SLC17A9: variants seen among roughly 807,000 people sequenced by gnomAD.
The protein encoded by SLC17A9 is solute carrier family 17 member 9, also known as voltage-gated purine nucleotide uniporter SLC17A9.
A neutral mutation model predicts 55.0 loss-of-function variants in SLC17A9; 49 were observed. The observed-to-expected ratio is 0.89, with a 90% CI of 0.71 to 1.13. SLC17A9 has a LOEUF of 1.13. Ranked by LOEUF, SLC17A9 falls within the 50% of genes most tolerant of loss-of-function variation. The pLI is 0.00. For missense variants in SLC17A9, 526 were observed against 569.3 expected (o/e 0.92, Z 0.77); for synonymous variants, 256 against 247.4 (o/e 1.03, Z -0.32).
rs139060051 is a variant in SLC17A9, at chr20:62,952,789, G to A, written c.-42G>A. 0.01 allele frequency: 15,680 copies of A among 1,529,220 alleles called. 95 individuals are homozygous for A. Among genetic ancestry groups the A allele is most frequent in the Non-Finnish European group, 0.012 (13,349 of 1,142,322 alleles). The allele number at this position is 1,529,220 out of a possible 1,614,324, so 94.7% of individuals were successfully genotyped here. A position where few individuals can be genotyped will look rare whatever the true frequency, so the allele number is the denominator to read the frequency against. ...TCAGCCTGGGCTGGGAGGCAGCCCC[G>A]GGACACAGCTGTGCCCACGCCGTCT... On this transcript the variant is annotated 5_prime_UTR_variant, in exon 1 of 13. Coordinates refer to ENST00000370351, the MANE Select transcript of SLC17A9 (RefSeq NM_022082.4).
At position 62,967,994 on chromosome 20, in the gene SLC17A9, G is replaced by A. The variant is rs949289002; in HGVS notation, c.*494G>A. 1 of 157,570 alleles carries A rather than the reference G, an allele frequency of 6.3e-6. No individual in the cohort carries two copies. The highest frequency in any genetic ancestry group is 1.4e-5 in the Non-Finnish European group (1 of 71,340). 9.8% of individuals were successfully genotyped at this position (157,570 alleles called of 1,614,324 possible). ...TGTCCTCCTTGGTGGGAGCTGTCCT[G>A]CACACTGTAGGATGCTTAAAGGTAT... On this transcript the variant is annotated 3_prime_UTR_variant, in exon 13 of 13. Coordinates refer to ENST00000370351, the MANE Select transcript of SLC17A9 (RefSeq NM_022082.4).
chr20:62,954,462 G>C lies in SLC17A9; in HGVS notation c.59+1573G>C, dbSNP rs149382626. Among the ~76,000 whole-genome samples, 34 of 152,372 alleles carry C rather than the reference G, an allele frequency of 2.2e-4. 1 individual carries two copies. The highest frequency in any genetic ancestry group is 7.7e-4 in the African/African-American group (32 of 41,584). The stretch of plus-strand genomic sequence containing the variant: ...TGGATGCTGCTTCTGCACAGGGGCC[G>C]TTTGCTCTAGAAAGTTCACAGGAAG... On this transcript the variant is annotated intron_variant, in intron 1 of 12. Coordinates refer to ENST00000370351, the MANE Select transcript of SLC17A9 (RefSeq NM_022082.4).
chr20:62,968,429 A>G lies in SLC17A9; in HGVS notation c.*929A>G, dbSNP rs956581090. On this transcript the variant is annotated 3_prime_UTR_variant, in exon 13 of 13. Coordinates refer to ENST00000370351, the MANE Select transcript of SLC17A9 (RefSeq NM_022082.4). ...CACGCACCCCAGAACACACAGACCC[A>G]CCTTTCTGGCGTTCTTTCTACCTCC... 3 of 152,086 alleles carry G rather than the reference A, an allele frequency of 2.0e-5. No homozygotes were observed. The highest frequency in any genetic ancestry group is 4.4e-5 in the Non-Finnish European group (3 of 68,028). The allele number at this position is 152,086 out of a possible 1,614,324, so 9.4% of individuals were successfully genotyped here.
At chr20:62,961,337 C>A (rs890978557) in intron 4 of SLC17A9, among the ~76,000 whole-genome samples, 2 of 143,720 alleles carry the variant, frequency 1.4e-5, no homozygotes, top group African/African-American at 5.2e-5. Flanking sequence ...GGCTGGAGGG[C>A]GGCTTGTCCT....
intron 1 of SLC17A9, chr20:62,953,165 G>A (rs940631839): frequency 6.5e-7 from 1 of 1,541,116 alleles, no homozygotes; most frequent in Non-Finnish European, 8.8e-7. Flanking sequence ...TGTTCCCCAG[G>A]CCAGGGGCAT....
chr20:62,953,313 G>T lies in SLC17A9; in HGVS notation c.59+424G>T, dbSNP rs1179548038. 4 of 1,537,518 alleles carry T rather than the reference G, an allele frequency of 2.6e-6. No individual in the cohort carries two copies. The South Asian group carries it at 3.6e-5, about 14-fold the overall frequency. On this transcript the variant is annotated intron_variant, in intron 1 of 12. Coordinates refer to ENST00000370351, the MANE Select transcript of SLC17A9 (RefSeq NM_022082.4). ...TGGAGCCTGCAGCTGGACGGGGTTG[G>T]GGGGGGTCCTGCCACCACGTGCCAG...
chr20:62,965,060 G>T (rs1052363096), intron 8 of SLC17A9, 72 bp from the exon 9 acceptor site: 2 of 1,581,586 alleles, frequency 1.3e-6, no homozygotes, highest in East Asian at 4.5e-5. Context: ...GCAGCCATTC[G>T]GGATGGGACC....
At chr20:62,966,909 A>C in intron 12 of SLC17A9, 177 bp downstream of exon 12, 1 of 741,800 alleles carries the variant, frequency 1.3e-6, no homozygotes, top group Non-Finnish European at 2.1e-6. Flanking sequence ...GTTCCACTGG[A>C]CTTTGCTGAC....
chr20:62,966,519 C>T lies in SLC17A9; in HGVS notation c.1062-6C>T, dbSNP rs531035096. 3.7e-6 allele frequency: 6 copies of T among 1,613,970 alleles called. No homozygotes were observed. In the South Asian group the frequency reaches 4.4e-5, roughly 12 times the overall value. On this transcript the variant is annotated splice_region_variant and splice_polypyrimidine_tract_variant and intron_variant, in intron 10 of 12. Transcript: ENST00000370351. Reference sequence around the variant, plus strand: ...GGCCACTCACCACCCTCTTTCCTCCCCACAGTGGCATTTCTGTTAACATCC... The same window carrying T: ...GGCCACTCACCACCCTCTTTCCTCCTCACAGTGGCATTTCTGTTAACATCC...
chr20:62,959,385 T>G (rs1217520323), intron 3 of SLC17A9, among the ~76,000 whole-genome samples: 2 of 152,196 alleles, frequency 1.3e-5, no homozygotes, highest in Admixed American at 6.5e-5. Context: ...TCTAGAAACC[T>G]TCAAAGTCTG....
intron 4 of SLC17A9, 44 bp downstream of exon 4, chr20:62,960,647 G>A (rs375386260): frequency 1.9e-6 from 3 of 1,566,264 alleles, no homozygotes; most frequent in Admixed American, 1.8e-5. Flanking sequence ...GCCACCAGGT[G>A]AGCCCCTTGC....
rs780951079 is a variant in SLC17A9, at chr20:62,958,338, G to A, written c.397+758G>A. On this transcript the variant is annotated intron_variant, in intron 3 of 12. Transcript: ENST00000370351. This position sits in a 1 kb window ranked among gnomAD's most constrained non-coding sequence, Gnocchi z 4.1. ...GACCTGCTGTGGGACTCTGGGTTTT[G>A]TGCATTTTGGTCACACGTATGCTGA... Among the ~76,000 whole-genome samples, 1 of 152,028 alleles carries A rather than the reference G, an allele frequency of 6.6e-6. No individual in the cohort carries two copies. The highest frequency in any genetic ancestry group is 1.5e-5 in the Non-Finnish European group (1 of 67,990).
At chr20:62,953,780 C>A (rs977585034) in intron 1 of SLC17A9, among the ~76,000 whole-genome samples, 1 of 152,226 alleles carries the variant, frequency 6.6e-6, no homozygotes, top group African/African-American at 2.4e-5. Context: ...TGTAGGAAGG[C>A]CCAAAGGGGC....
In SLC17A9 at chr20:62,962,920, G is replaced by A. The variant is rs1013418393; in HGVS notation, c.628+166G>A. On this transcript the variant is annotated intron_variant, in intron 5 of 12. Transcript: ENST00000370351. This position sits in a 1 kb window ranked among gnomAD's most constrained non-coding sequence, Gnocchi z 5.5. ...AGCGCTCGGGTGCTGAGCTGTCAGC[G>A]GCTCCGCCACCCAATTCGATCTGGA... 8.6e-5 allele frequency: 85 copies of A among 988,310 alleles called. 2 individuals are homozygous for A. Among genetic ancestry groups the A allele is most frequent in the South Asian group, 5.3e-4 (33 of 62,166 alleles). The allele number at this position is 988,310 out of a possible 1,614,324, so 61.2% of individuals were successfully genotyped here. A position where few individuals can be genotyped will look rare whatever the true frequency, so the allele number is the denominator to read the frequency against.
chr20:62,965,072 C>T, intron 8 of SLC17A9, 60 bp from the exon 9 acceptor site: 5 of 1,605,472 alleles, frequency 3.1e-6, no homozygotes, highest in Non-Finnish European at 3.4e-6. Flanking sequence ...GATGGGACCC[C>T]CTCTGGGGTG....
intron 8 of SLC17A9, 117 bp from the exon 9 acceptor site, chr20:62,965,015 G>A (rs2065622584): frequency 5.8e-6 from 7 of 1,214,246 alleles, no homozygotes; most frequent in Non-Finnish European, 8.5e-6. Context: ...TAGCTGTCTT[G>A]AGCCCCAAGC....
At position 62,968,616 on chromosome 20, in the gene SLC17A9, C is replaced by T. The variant is rs183476653; in HGVS notation, c.*1116C>T. 6.6e-6 allele frequency: 1 copy of T among 152,266 alleles called. No individual in the cohort carries two copies. The highest frequency in any genetic ancestry group is 1.9e-4 in the East Asian group (1 of 5,178). 9.4% of individuals were successfully genotyped at this position (152,266 alleles called of 1,614,324 possible). On this transcript the variant is annotated 3_prime_UTR_variant, in exon 13 of 13. Transcript: ENST00000370351. ...AAAAGAAGACTGTTATTTTATTTAA[C>T]ACCTTTGTTTTTTAAGAATGAACAC...
At chr20:62,955,825 GCAGTGAGGA>G (rs1170630148) in intron 1 of SLC17A9, among the ~76,000 whole-genome samples, 11 of 152,242 alleles carry the variant, frequency 7.2e-5, no homozygotes, top group Non-Finnish European at 1.5e-4. Flanking sequence ...AGGCAGCCTG[GCAGTGAGGA>G]CTGTGTCCTT....
rs375607416 is a variant in SLC17A9 at position 62,967,418 on chromosome 20, T to A, written c.1229T>A (p.Ile410Asn). Residue 410 changes from isoleucine to asparagine, a missense_variant, in exon 13 of 13, where the codon ATC becomes AAC. Ile to Asn is a moderately radical substitution (Grantham distance 149, BLOSUM62 -3). Transcript: ENST00000370351. Reference sequence around the variant, plus strand: ...TGCCTGTTCAACCTTGTGGCCATCATCAGCAACCTGGGGCTGTGCACCTTC... The same window carrying A: ...TGCCTGTTCAACCTTGTGGCCATCAACAGCAACCTGGGGCTGTGCACCTTC... The part of the protein sequence containing the change: ...WTCLFNLVAI[I>N]SNLGLCTFLV... 61 of 1,614,068 alleles carry A rather than the reference T, an allele frequency of 3.8e-5. No individual in the cohort carries two copies. The highest frequency in any genetic ancestry group is 1.2e-4 in the Admixed American group (7 of 60,002).
Sources: gnomAD v4.1 joint callset for allele counts (sites outside exome capture counted in the v4.1 genomes callset) on GRCh38, gnomAD v4.1.1 for gene constraint, Gnocchi (gnomAD v3.1) non-coding constraint, MANE v1.5 for transcripts, NCBI Gene and HGNC (gene_info 2026-07-23, HGNC 2026-07-21) for gene names.